Variants in NF1 observed in about 807,000 individuals in gnomAD.
NF1 encodes neurofibromin.
NF1 carries 122 observed loss-of-function variants against 325.7 expected under a neutral mutation model. The observed-to-expected ratio is 0.37, with a 90% confidence interval of 0.32 to 0.44. NF1 has a LOEUF of 0.44. NF1 is among the 20% of genes least tolerant of loss of function. The pLI, the probability that NF1 is intolerant of heterozygous loss-of-function variation, is 1.00. For missense variants in NF1, 2,140 were observed against 3,415.4 expected (o/e 0.63, Z 9.31); for synonymous variants, 1,091 against 1,186.0 (o/e 0.92, Z 1.65).
At chr17:31,370,929 T>G (rs1437988185) in intron 57 of NF1, among the ~76,000 whole-genome samples, 1 of 152,138 alleles carries the variant, frequency 6.6e-6, no homozygotes, top group Non-Finnish European at 1.5e-5. Flanking sequence ...TTACTGGACT[T>G]GAAACTTGTA....
In NF1 at chr17:31,200,708, A is replaced by G. The variant is rs868553650; in HGVS notation, c.1062+113A>G. 279 of 1,223,714 alleles carry G rather than the reference A, an allele frequency of 2.3e-4. No homozygotes were observed. Among genetic ancestry groups the G allele is most frequent in the Middle Eastern group, 2.1e-3 (11 of 5,318 alleles). The allele number at this position is 1,223,714 out of a possible 1,614,324, so 75.8% of individuals were successfully genotyped here. On this transcript the variant is annotated intron_variant, in intron 9 of 57. Transcript: ENST00000358273. ...ACATTAAAGTTCTGACTCTTCGTTG[A>G]TAAGTTCATAGGACTTGCTTTTGTT...
chr17:31,179,539 C>T (rs1320858903), intron 5 of NF1, among the ~76,000 whole-genome samples: 7 of 152,080 alleles, frequency 4.6e-5, no homozygotes, highest in African/African-American at 9.7e-5. Context: ...GATAGAGACA[C>T]GAAAAACCTT....
At chr17:31,328,125 C>T (rs2069394334) in intron 38 of NF1, among the ~76,000 whole-genome samples, 1 of 152,114 alleles carries the variant, frequency 6.6e-6, no homozygotes, top group South Asian at 2.1e-4. Flanking sequence ...AGTTTTTCTT[C>T]CTCTAAGTCC....
At chr17:31,227,072 G>T in intron 18 of NF1, 146 bp from the exon 19 acceptor site, 1 of 793,970 alleles carries the variant, frequency 1.3e-6, no homozygotes, top group Non-Finnish European at 2.2e-6. Flanking sequence ...CCTTTCCTGT[G>T]AGGTTAGTGA....
At chr17:31,331,690 G>C (rs577543318) in intron 39 of NF1, 5 of 151,718 alleles carry the variant, frequency 3.3e-5, no homozygotes, top group African/African-American at 1.2e-4. Context: ...CGTCTTCACC[G>C]TACACCATAA....
At chr17:31,131,336 A>G (rs1193978433) in intron 1 of NF1, among the ~76,000 whole-genome samples, 1 of 152,148 alleles carries the variant, frequency 6.6e-6, no homozygotes, top group African/African-American at 2.4e-5. Context: ...GGGATTCCAG[A>G]GTCCCCTGGT....
intron 55 of NF1, 50 bp downstream of exon 55, chr17:31,358,672 G>A (rs749075902): frequency 1.6e-5 from 26 of 1,601,488 alleles, no homozygotes; most frequent in East Asian, 4.5e-5. Context: ...GCTAACATGC[G>A]CGCTGTTGTA....
intron 32 of NF1, 151 bp downstream of exon 32, chr17:31,258,653 A>T: frequency 2.4e-6 from 2 of 848,352 alleles, no homozygotes; most frequent in Admixed American, 5.1e-5. Flanking sequence ...TTACAAAGGA[A>T]TTCATTAGTT....
chr17:31,159,080 A>G lies in NF1; in HGVS notation c.275A>G (p.Lys92Arg), dbSNP rs2065718099. The change falls in exon 3 of 58, where the codon AAA (lysine) becomes AGA (arginine). Residue 92 changes from lysine to arginine, a missense_variant. Physicochemically the swap from Lys to Arg is conservative, Grantham distance 26. Coordinates refer to ENST00000358273, the MANE Select transcript of NF1 (RefSeq NM_001042492.3). ...SQLIILDTLE[K>R]CLAGQPKDTM... ...TTGATTATATTGGATACACTGGAAA[A>G]ATGTCTTGCTGGGGTAAGTAAATTG... is the stretch of plus-strand genomic sequence containing the variant. 6.2e-7 allele frequency: 1 copy of G among 1,608,622 alleles called. No homozygotes were observed.
rs1026554188 is a variant in NF1, at chr17:31,102,295, T to C, written c.60+6926T>C. Among the ~76,000 whole-genome samples, 53 of 152,332 alleles carry C rather than the reference T, an allele frequency of 3.5e-4. 1 individual carries two copies. The highest frequency in any genetic ancestry group is 2.1e-4 in the South Asian group (1 of 4,830). On this transcript the variant is annotated intron_variant, in intron 1 of 57. Transcript: ENST00000358273. ...GTGATAGAATATGAATGTGAAGCAC[T>C]TTGAAAAGTCTAAAATTTTTCTAAT...
intron 4 of NF1, among the ~76,000 whole-genome samples, chr17:31,166,124 T>G (rs905992395): frequency 1.3e-5 from 2 of 152,198 alleles, no homozygotes; most frequent in Non-Finnish European, 2.9e-5. Context: ...CTAGTTGTTT[T>G]GTAGTGAGAA....
rs373626474 is a variant in NF1 at position 31,363,727 on chromosome 17, C to T, written c.8377+3024C>T. 1.1e-4 allele frequency among the ~76,000 whole-genome samples: 17 copies of T among 150,704 alleles called. No homozygotes were observed. In the East Asian group the frequency reaches 1.2e-3, roughly 10 times the overall value. On this transcript the variant is annotated intron_variant, in intron 57 of 57. Coordinates refer to ENST00000358273, the MANE Select transcript of NF1 (RefSeq NM_001042492.3). ...CTGGGATTACAGGCGTGAGCCACTG[C>T]GCCCAGCATTTTTTTTTTTTTTCCC...
intron 5 of NF1, among the ~76,000 whole-genome samples, chr17:31,180,287 C>G (rs919639738): frequency 6.6e-6 from 1 of 152,202 alleles, no homozygotes; most frequent in African/African-American, 2.4e-5. Context: ...AGAGACACAA[C>G]AACAAGAGAA....
intron 36 of NF1, chr17:31,304,523 C>T: frequency 1.2e-6 from 2 of 1,614,156 alleles, no homozygotes; most frequent in Non-Finnish European, 1.7e-6. Flanking sequence ...AGAGGAGATA[C>T]AATTGTCATT....
intron 36 of NF1, chr17:31,299,700 G>T (rs2068536022): frequency 6.6e-6 from 1 of 152,028 alleles, no homozygotes; most frequent in Non-Finnish European, 1.5e-5. Context: ...ACAACTGAGA[G>T]TACTCAATAA....
intron 57 of NF1, 112 bp downstream of exon 57, chr17:31,360,815 C>CACCTTACATTTCTTCTTT: frequency 2.2e-6 from 2 of 894,714 alleles, no homozygotes; most frequent in South Asian, 2.7e-5. Context: ...TTATGAGATT[C>CACCTTACATTTCTTCTTT]ACCTTACATT....
chr17:31,110,277 A>G (rs2143289700), intron 1 of NF1, among the ~76,000 whole-genome samples: 1 of 152,354 alleles, frequency 6.6e-6, no homozygotes, highest in South Asian at 2.1e-4. Flanking sequence ...AGAGCTATGG[A>G]TGTAATGAGG....
intron 1 of NF1, among the ~76,000 whole-genome samples, chr17:31,140,008 C>T (rs1461082958): frequency 2.6e-5 from 4 of 152,232 alleles, no homozygotes; most frequent in Admixed American, 1.3e-4. Flanking sequence ...CAGCAAGAGG[C>T]GGTGTAACAT....
At chr17:31,346,548 C>G (rs1487331622) in intron 48 of NF1, among the ~76,000 whole-genome samples, 2 of 150,282 alleles carry the variant, frequency 1.3e-5, no homozygotes, top group Non-Finnish European at 3.0e-5. Flanking sequence ...GTCTCTGGTT[C>G]TCCCCATCCC....
Sources: allele counts gnomAD v4.1 joint callset (sites outside exome capture counted in the v4.1 genomes callset), GRCh38; gene constraint gnomAD v4.1.1; transcripts MANE v1.5; gene names NCBI Gene and HGNC (gene_info 2026-07-23, HGNC 2026-07-21).